The following RRP1B variants were observed in gnomAD, a reference collection of about 807,000 sequenced individuals.
RRP1B encodes ribosomal RNA processing 1B, also known as ribosomal RNA processing protein 1 homolog B.
RRP1B carries 56 observed loss-of-function variants against 80.2 expected under a neutral mutation model. That is an observed-to-expected ratio of 0.70 (90% CI 0.56 to 0.87). The LOEUF (loss-of-function observed/expected upper bound fraction) is 0.87, where lower values mean the gene tolerates loss of function less well. Among genes scored for constraint, RRP1B ranks in the 40% least tolerant of loss-of-function variants. RRP1B has a pLI of 0.00. For synonymous variants in RRP1B, 351 were observed against 357.6 expected (o/e 0.98, Z 0.21); for missense variants, 807 against 939.8 (o/e 0.86, Z 1.85).
chr21:43,684,632 T>C lies in RRP1B; in HGVS notation c.971T>C (p.Leu324Pro). ...ACGCCCCACTTCAACAGGAAGCGCC[T>C]CTCCAAACTCATCAAGAAGTCAGTA... is the stretch of plus-strand genomic sequence containing the variant. ...KNTPHFNRKR[L>P]SKLIKKFQDL... The change falls in exon 10 of 16, where the codon CTC (leucine) becomes CCC (proline). Residue 324 changes from leucine (L) to proline (P), a missense_variant. Physicochemically the swap from Leu to Pro is moderately conservative, Grantham distance 98. Transcript: ENST00000340648. 6.2e-7 allele frequency: 1 copy of C among 1,614,058 alleles called. No individual in the cohort carries two copies. Among genetic ancestry groups the C allele is most frequent in the Non-Finnish European group, 8.5e-7 (1 of 1,179,950 alleles).
Position 43,673,901 on chromosome 21 carries a change from C to G in RRP1B, c.303C>G (p.Thr101=), listed in dbSNP as rs1303704579. The G allele has an allele frequency of 4.0e-5, 64 of 1,613,520 alleles. No homozygotes were observed. Among genetic ancestry groups the G allele is most frequent in the Non-Finnish European group, 5.4e-5 (64 of 1,179,740 alleles). Residue 101 remains threonine, a synonymous_variant, in exon 4 of 16, where the codon ACC becomes ACG. Coordinates refer to ENST00000340648, the MANE Select transcript of RRP1B (RefSeq NM_015056.3). ...TGTTCATTCAGACCTTTTGGCAAACCATGAATCGAGAATGGAAAGGAATAG... is the reference window on the plus strand; with the variant it reads ...TGTTCATTCAGACCTTTTGGCAAACGATGAATCGAGAATGGAAAGGAATAG... The part of the protein sequence containing the change: ...QHLFIQTFWQ[T]MNREWKGIDR...
chr21:43,675,189 A>G (rs2083016915), intron 6 of RRP1B, 26 bp downstream of exon 6: 1 of 1,610,892 alleles, frequency 6.2e-7, no homozygotes. Context: ...CAGGCTGCCC[A>G]CGGGGTGAGG....
Position 43,693,499 on chromosome 21 carries a change from C to G in RRP1B, c.*116C>G. ...TGTAAGTTCCCATAAGTTGTGTGCA[C>G]GAGGTTCTGAGAGTGCCCGCAGGCT... On this transcript the variant is annotated 3_prime_UTR_variant, in exon 16 of 16. Transcript: ENST00000340648. This position sits in a 1 kb window ranked among gnomAD's most constrained non-coding sequence, Gnocchi z 4.1. 1.2e-5 allele frequency: 14 copies of G among 1,124,430 alleles called. No individual in the cohort carries two copies. The highest frequency in any genetic ancestry group is 1.6e-5 in the Non-Finnish European group (13 of 829,140). The allele number at this position is 1,124,430 out of a possible 1,614,324, so 69.7% of individuals were successfully genotyped here. A position where few individuals can be genotyped will look rare whatever the true frequency, so the allele number is the denominator to read the frequency against.
At chr21:43,664,389 T>C (rs2082970296) in intron 1 of RRP1B, among the ~76,000 whole-genome samples, 2 of 151,138 alleles carry the variant, frequency 1.3e-5, no homozygotes, top group Non-Finnish European at 1.5e-5. Flanking sequence ...TTCCTAGGAA[T>C]AGAAAGTGAG....
chr21:43,675,425 G>A (rs938335647), intron 6 of RRP1B, among the ~76,000 whole-genome samples: 2 of 152,168 alleles, frequency 1.3e-5, no homozygotes, highest in African/African-American at 4.8e-5. Flanking sequence ...ACACGGGGGA[G>A]TACTCAGGAT....
rs2083084344 is a variant in RRP1B, at chr21:43,691,057, C to T, written c.2020-382C>T. Reference sequence around the variant, plus strand: ...GCAGGGGAGTCTTGGCATTTTTCCTCACGGGTTCTCAGTGGTGAACTGTTT... The same window carrying T: ...GCAGGGGAGTCTTGGCATTTTTCCTTACGGGTTCTCAGTGGTGAACTGTTT... On this transcript the variant is annotated intron_variant, in intron 14 of 15. Transcript: ENST00000340648. The surrounding 1 kb of genome is among the most constrained non-coding windows in gnomAD (Gnocchi z 4.2). 6.6e-6 allele frequency among the ~76,000 whole-genome samples: 1 copy of T among 152,166 alleles called. No individual in the cohort carries two copies. Among genetic ancestry groups the T allele is most frequent in the South Asian group, 2.1e-4 (1 of 4,824 alleles).
In RRP1B at chr21:43,659,839, G is replaced by T; in HGVS notation, c.130+45G>T. On this transcript the variant is annotated intron_variant, in intron 1 of 15. Transcript: ENST00000340648. This position sits in a 1 kb window ranked among gnomAD's most constrained non-coding sequence, Gnocchi z 4.2. The stretch of plus-strand genomic sequence containing the variant: ...CAGCCGCGCCACATGGCGGGCCGGG[G>T]GCCGGGGCTGGGGCTAGGGCCAGGG... The T allele has an allele frequency of 6.8e-7, 1 of 1,475,598 alleles. No individual in the cohort carries two copies. Among genetic ancestry groups the T allele is most frequent in the Non-Finnish European group, 9.0e-7 (1 of 1,106,818 alleles). The allele number at this position is 1,475,598 out of a possible 1,614,324, so 91.4% of individuals were successfully genotyped here.
chr21:43,680,438 C>T (rs922215801), intron 8 of RRP1B, among the ~76,000 whole-genome samples: 3 of 152,014 alleles, frequency 2.0e-5, no homozygotes, highest in African/African-American at 7.2e-5. Context: ...GTGGCACATG[C>T]CTGTAACCCC....
intron 1 of RRP1B, among the ~76,000 whole-genome samples, chr21:43,661,407 G>C (rs1346973371): frequency 2.0e-5 from 3 of 151,964 alleles, no homozygotes. Context: ...TTTTCTTTTG[G>C]TTGCTGGTTC....
chr21:43,659,561 T>G lies in RRP1B; in HGVS notation c.-104T>G. 1 of 1,180,526 alleles carries G rather than the reference T, an allele frequency of 8.5e-7. No homozygotes were observed. The highest frequency in any genetic ancestry group is 1.6e-5 in the African/African-American group (1 of 62,228). 73.1% of individuals were successfully genotyped at this position (1,180,526 alleles called of 1,614,324 possible). The stretch of plus-strand genomic sequence containing the variant: ...CCCGCGCGCCGCCGCCGCCGCCTTC[T>G]GTGCAGTCGCGGCCCGGGCGGACGG... On this transcript the variant is annotated 5_prime_UTR_variant, in exon 1 of 16. Transcript: ENST00000340648. The surrounding 1 kb of genome is among the most constrained non-coding windows in gnomAD (Gnocchi z 4.2).
At chr21:43,688,269 C>G in intron 13 of RRP1B, 29 bp downstream of exon 13, 2 of 1,499,716 alleles carry the variant, frequency 1.3e-6, no homozygotes, top group Non-Finnish European at 1.8e-6. Context: ...CAGGCCAGCT[C>G]GCCACAGAGG....
In RRP1B at chr21:43,670,466, G is replaced by A. The variant is rs910987304; in HGVS notation, c.213+500G>A. 5.3e-5 allele frequency among the ~76,000 whole-genome samples: 8 copies of A among 152,340 alleles called. No homozygotes were observed. In the South Asian group the frequency reaches 8.3e-4, roughly 16 times the overall value. ...GCAGCAGGCTCGGTCTCTCTGTGCG[G>A]GGCCTGCTGAGCCCGCTAAGCCCAC... On this transcript the variant is annotated intron_variant, in intron 2 of 15. Transcript: ENST00000340648.
intron 4 of RRP1B, 38 bp downstream of exon 4, chr21:43,673,993 A>G: frequency 7.0e-7 from 1 of 1,436,932 alleles, no homozygotes; most frequent in African/African-American, 1.4e-5. Context: ...ACTCCTGGGA[A>G]GAAAAGAATG....
Position 43,694,707 on chromosome 21 carries a change from T to G in RRP1B, c.*1324T>G, listed in dbSNP as rs1275091082. The G allele has an allele frequency of 2.0e-5, 3 of 152,104 alleles. No homozygotes were observed. The highest frequency in any genetic ancestry group is 7.2e-5 in the African/African-American group (3 of 41,392). The allele number at this position is 152,104 out of a possible 1,614,324, so 9.4% of individuals were successfully genotyped here. On this transcript the variant is annotated 3_prime_UTR_variant, in exon 16 of 16. Coordinates refer to ENST00000340648, the MANE Select transcript of RRP1B (RefSeq NM_015056.3). Reference sequence around the variant, plus strand: ...TATGCCCCCCATACAGGAGCCTCGGTTTTTCAGCAAAACGCGGCCAGTCCC... The same window carrying G: ...TATGCCCCCCATACAGGAGCCTCGGGTTTTCAGCAAAACGCGGCCAGTCCC...
At position 43,693,126 on chromosome 21, in the gene RRP1B, T is replaced by C; in HGVS notation, c.2084-64T>C. The C allele has an allele frequency of 6.4e-7, 1 of 1,557,212 alleles. No homozygotes were observed. Among genetic ancestry groups the C allele is most frequent in the Admixed American group, 1.7e-5 (1 of 57,534 alleles). ...GTCGGCACCCAGGCAGGACGCTGTC[T>C]AAGGTGTTGAAGGGACAGCTGTCGG... On this transcript the variant is annotated intron_variant, in intron 15 of 15. Transcript: ENST00000340648. The surrounding 1 kb of genome is among the most constrained non-coding windows in gnomAD (Gnocchi z 4.1).
intron 13 of RRP1B, 66 bp from the exon 14 acceptor site, chr21:43,690,222 G>T: frequency 6.4e-7 from 1 of 1,558,396 alleles, no homozygotes; most frequent in Non-Finnish European, 8.8e-7. Flanking sequence ...CCTCCTGTGT[G>T]TGTGGGCAGC....
At chr21:43,683,497 A>G in intron 9 of RRP1B, 124 bp downstream of exon 9, 1 of 653,566 alleles carries the variant, frequency 1.5e-6, no homozygotes. Context: ...TAATCCCTTC[A>G]GTCACTAAAT....
intron 9 of RRP1B, 121 bp from the exon 10 acceptor site, chr21:43,684,432 T>G: frequency 1.2e-6 from 1 of 818,792 alleles, no homozygotes; most frequent in Admixed American, 2.0e-5. Flanking sequence ...AGCACAAGCT[T>G]GTTTAGCCTA....
intron 8 of RRP1B, among the ~76,000 whole-genome samples, chr21:43,679,248 T>G (rs907644273): frequency 2.0e-5 from 3 of 151,760 alleles, no homozygotes; most frequent in African/African-American, 7.3e-5. Context: ...TTTTGGTGTT[T>G]TGGTGTTTTG....
Sources: gnomAD v4.1 joint callset for allele counts (sites outside exome capture counted in the v4.1 genomes callset) on GRCh38, gnomAD v4.1.1 for gene constraint, Gnocchi (gnomAD v3.1) non-coding constraint, MANE v1.5 for transcripts, NCBI Gene and HGNC (gene_info 2026-07-23, HGNC 2026-07-21) for gene names.